Variants in RPTOR observed in about 807,000 individuals in gnomAD.
The protein encoded by RPTOR is regulatory associated protein of MTOR complex 1, also known as regulatory-associated protein of mTOR.
Under a neutral mutation model 169.9 loss-of-function variants are expected in RPTOR, and 21 were observed. The observed-to-expected ratio is 0.12, with a 90% CI of 0.09 to 0.18. The LOEUF (loss-of-function observed/expected upper bound fraction) is 0.18, where lower values mean the gene tolerates loss of function less well. Among genes scored for constraint, RPTOR ranks in the 10% least tolerant of loss-of-function variants. RPTOR has a pLI of 1.00. For synonymous variants in RPTOR, 732 were observed against 753.2 expected, an observed-to-expected ratio of 0.97 and a Z score of 0.46; for missense variants, 1,133 against 1,855.9, an observed-to-expected ratio of 0.61 and a Z score of 7.16.
At position 80,844,516 on chromosome 17, in the gene RPTOR, T is replaced by G. The variant is rs2067704743; in HGVS notation, c.1213-1957T>G. Among the ~76,000 whole-genome samples the G allele has an allele frequency of 6.6e-6, 1 of 152,226 alleles. No individual in the cohort carries two copies. The highest frequency in any genetic ancestry group is 1.5e-5 in the Non-Finnish European group (1 of 68,050). On this transcript the variant is annotated intron_variant, in intron 10 of 33. Transcript: ENST00000306801. The surrounding 1 kb of genome is among the most constrained non-coding windows in gnomAD (Gnocchi z 4.7). Reference sequence around the variant, plus strand: ...AGGAGGGGGTACTTAACGAGATTTTTTTTTAACCAATTTATGAATAATTCA... The same window carrying G: ...AGGAGGGGGTACTTAACGAGATTTTGTTTTAACCAATTTATGAATAATTCA...
intron 7 of RPTOR, among the ~76,000 whole-genome samples, chr17:80,804,029 A>T (rs1039906514): frequency 1.3e-5 from 2 of 152,184 alleles, no homozygotes. Context: ...TATAATTAAC[A>T]CCGCTAACCT....
At chr17:80,811,885 T>C (rs1323277311) in intron 7 of RPTOR, among the ~76,000 whole-genome samples, 1 of 149,782 alleles carries the variant, frequency 6.7e-6, no homozygotes, top group Non-Finnish European at 1.5e-5. Context: ...CCACGCCCTC[T>C]CCAACAAGGC....
intron 1 of RPTOR, among the ~76,000 whole-genome samples, chr17:80,582,523 A>G (rs1024898626): frequency 6.7e-6 from 1 of 148,630 alleles, no homozygotes; most frequent in Non-Finnish European, 1.5e-5. Context: ...TGAGGGTGAC[A>G]GCGGTCAGAC....
intron 20 of RPTOR, among the ~76,000 whole-genome samples, chr17:80,900,323 G>C (rs2068459630): frequency 6.6e-6 from 1 of 151,910 alleles, no homozygotes; most frequent in Non-Finnish European, 1.5e-5. Context: ...TGTGCTCACT[G>C]TGGCCTTCCT....
At chr17:80,555,463 C>G (rs2084396721) in intron 1 of RPTOR, among the ~76,000 whole-genome samples, 1 of 152,182 alleles carries the variant, frequency 6.6e-6, no homozygotes, top group Non-Finnish European at 1.5e-5. Context: ...AACACCCAGT[C>G]TGTCTGGAGG....
intron 7 of RPTOR, among the ~76,000 whole-genome samples, chr17:80,793,837 TA>T (rs1452670044): frequency 6.6e-6 from 1 of 152,254 alleles, no homozygotes; most frequent in Non-Finnish European, 1.5e-5. Flanking sequence ...TACCTTATTT[TA>T]CTGAGAGAGA....
In RPTOR at chr17:80,822,334, C is replaced by T. The variant is rs755157555; in HGVS notation, c.991+33C>T. The T allele has an allele frequency of 2.5e-6, 4 of 1,603,914 alleles. No individual in the cohort carries two copies. In the African/African-American group the frequency reaches 5.3e-5, roughly 21 times the overall value. Reference sequence around the variant, plus strand: ...GCGGGCCGGGCCTTGGGGAGGGAGGCTATGGCCTTGAGTGCGCGGGGAGCC... The same window carrying T: ...GCGGGCCGGGCCTTGGGGAGGGAGGTTATGGCCTTGAGTGCGCGGGGAGCC... On this transcript the variant is annotated intron_variant, in intron 8 of 33. Coordinates refer to ENST00000306801, the MANE Select transcript of RPTOR (RefSeq NM_020761.3).
chr17:80,631,480 C>T (rs2065441761), intron 2 of RPTOR, among the ~76,000 whole-genome samples: 2 of 152,104 alleles, frequency 1.3e-5, no homozygotes, highest in South Asian at 2.1e-4. Context: ...TGCAGACCTG[C>T]GCTCTTCAAA....
chr17:80,915,573 C>T (rs2143953952), intron 21 of RPTOR, among the ~76,000 whole-genome samples: 1 of 96,356 alleles, frequency 1.0e-5, no homozygotes, highest in Admixed American at 9.5e-5. Flanking sequence ...AGGGTCTCCT[C>T]TCTGCTGAGA....
At chr17:80,794,727 A>T (rs1252396333) in intron 7 of RPTOR, among the ~76,000 whole-genome samples, 1 of 152,236 alleles carries the variant, frequency 6.6e-6, no homozygotes, top group Non-Finnish European at 1.5e-5. Context: ...GCTCAACAGG[A>T]AAAAGGGACA....
At chr17:80,802,635 A>G (rs764847930) in intron 7 of RPTOR, 3 of 152,068 alleles carry the variant, frequency 2.0e-5, no homozygotes, top group East Asian at 1.9e-4. Context: ...ATGTGTCTGG[A>G]TATCTCTAAA....
intron 7 of RPTOR, among the ~76,000 whole-genome samples, chr17:80,810,033 G>A (rs1040693432): frequency 1.3e-5 from 2 of 150,830 alleles, no homozygotes; most frequent in East Asian, 1.9e-4. Flanking sequence ...AGACAACAGA[G>A]CGAGACTCCA....
chr17:80,595,995 T>C (rs1352179090), intron 1 of RPTOR, among the ~76,000 whole-genome samples: 1 of 152,222 alleles, frequency 6.6e-6, no homozygotes, highest in Non-Finnish European at 1.5e-5. Flanking sequence ...CTGTAGTTTT[T>C]GTTTTATTAC....
intron 11 of RPTOR, 130 bp from the exon 12 acceptor site, chr17:80,855,334 G>C: frequency 2.9e-6 from 2 of 680,820 alleles, no homozygotes; most frequent in South Asian, 3.5e-5. Flanking sequence ...ACCAGCTCTA[G>C]GTAACTGAAG....
At chr17:80,819,712 G>A (rs1164703893) in intron 7 of RPTOR, among the ~76,000 whole-genome samples, 3 of 152,154 alleles carry the variant, frequency 2.0e-5, no homozygotes, top group Non-Finnish European at 4.4e-5. Flanking sequence ...TTTAGGGCAG[G>A]GACAGACACA....
intron 6 of RPTOR, among the ~76,000 whole-genome samples, chr17:80,765,128 T>C (rs1023492061): frequency 2.7e-5 from 4 of 149,144 alleles, no homozygotes; most frequent in African/African-American, 9.7e-5. Flanking sequence ...ATCTGAAAGA[T>C]ACAGGCAGCC....
chr17:80,754,011 T>C lies in RPTOR; in HGVS notation c.656T>C (p.Val219Ala). The C allele has an allele frequency of 6.2e-7, 1 of 1,612,336 alleles. No homozygotes were observed. Among genetic ancestry groups the C allele is most frequent in the East Asian group, 2.2e-5 (1 of 44,852 alleles). The change falls in exon 6 of 34, where the codon GTA (valine) becomes GCA (alanine). Residue 219 changes from valine (V) to alanine (A), a missense_variant and splice_region_variant. Transcript: ENST00000306801. This position sits in a 1 kb window ranked among gnomAD's most constrained non-coding sequence, Gnocchi z 4.2. The stretch of plus-strand genomic sequence containing the variant: ...TTTCCCGAATGTTCTGCCCTTCAGG[T>C]AGCTGCAATCAACCCAAATCACCCT... Reference protein sequence around the residue: ...FALQREQELEVAAINPNHPLA... With the variant: ...FALQREQELEAAAINPNHPLA...
chr17:80,935,378 G>T (rs1016268514), intron 24 of RPTOR, among the ~76,000 whole-genome samples: 5 of 151,900 alleles, frequency 3.3e-5, no homozygotes, highest in African/African-American at 1.2e-4. Context: ...ATGGGGAAAA[G>T]GAAACTAAAA....
intron 3 of RPTOR, among the ~76,000 whole-genome samples, chr17:80,694,491 G>T (rs1489595081): frequency 4.6e-5 from 7 of 152,248 alleles, no homozygotes; most frequent in African/African-American, 1.4e-4. Flanking sequence ...CTGAAGGCTT[G>T]TGCGTTGAGT....
Sources: gnomAD v4.1 joint callset for allele counts (sites outside exome capture counted in the v4.1 genomes callset) on GRCh38, gnomAD v4.1.1 for gene constraint, Gnocchi (gnomAD v3.1) non-coding constraint, MANE v1.5 for transcripts, NCBI Gene and HGNC (gene_info 2026-07-23, HGNC 2026-07-21) for gene names.